IQCE: variants seen among roughly 807,000 people sequenced by gnomAD.
IQCE encodes the protein IQ domain-containing protein E.
In IQCE, 115 loss-of-function variants were observed where a neutral mutation model predicts 96.0. The ratio of observed to expected loss-of-function variants is 1.20; its 90% CI spans 1.03 to 1.40. The LOEUF is 1.40. Ranked by LOEUF, IQCE falls within the 40% of genes most tolerant of loss-of-function variation. The probability of loss-of-function intolerance (pLI) is 0.00; values close to 1 mark genes in which losing one functional copy is unlikely to be tolerated. For missense variants in IQCE, 1,041 were observed against 909.1 expected, an observed-to-expected ratio of 1.15 and a Z score of -1.87; for synonymous variants, 412 against 371.2, an observed-to-expected ratio of 1.11 and a Z score of -1.26.
At chr7:2,570,449 G>C (rs1371025744) in intron 3 of IQCE, among the ~76,000 whole-genome samples, 2 of 151,676 alleles carry the variant, frequency 1.3e-5, no homozygotes, top group African/African-American at 2.4e-5. Flanking sequence ...GGAAGAATTT[G>C]AGACTATCTG....
intron 8 of IQCE, 84 bp downstream of exon 8, chr7:2,578,610 C>A: frequency 1.4e-6 from 2 of 1,446,284 alleles, no homozygotes; most frequent in Non-Finnish European, 1.9e-6. Flanking sequence ...TTCCCTGCAG[C>A]ACCCACGCGT....
At chr7:2,577,759 G>T (rs1324462900) in intron 6 of IQCE, among the ~76,000 whole-genome samples, 1 of 129,832 alleles carries the variant, frequency 7.7e-6, no homozygotes, top group Non-Finnish European at 1.6e-5. Context: ...GTGCGTGGCT[G>T]TGCGCGCGGG....
In IQCE at chr7:2,588,822, C is replaced by T. The variant is rs376870674; in HGVS notation, c.1044+945C>T. Among the ~76,000 whole-genome samples, 42 of 151,886 alleles carry T rather than the reference C, an allele frequency of 2.8e-4. No individual in the cohort carries two copies. The South Asian group carries it at 3.1e-3, about 11-fold the overall frequency. On this transcript the variant is annotated intron_variant, in intron 13 of 21. Coordinates refer to ENST00000402050, the MANE Select transcript of IQCE (RefSeq NM_152558.5). ...CTGGGATTACAGGTGCCCACCACCA[C>T]GCCCAGCTAATTTTTGTATTTTTAG...
intron 8 of IQCE, among the ~76,000 whole-genome samples, chr7:2,581,646 G>A (rs1480822745): frequency 6.6e-6 from 1 of 151,998 alleles, no homozygotes; most frequent in African/African-American, 2.4e-5. Flanking sequence ...TTCAACACCA[G>A]TCTGGGCAAC....
chr7:2,584,485 C>T (rs781654300), intron 11 of IQCE, 200 bp downstream of exon 11: 9 of 613,690 alleles, frequency 1.5e-5, no homozygotes, highest in Admixed American at 2.6e-5. Context: ...ATAGTGACCA[C>T]GTGTTGATGG....
chr7:2,609,894 C>T lies in IQCE; in HGVS notation c.1970-150C>T, dbSNP rs1377259702. 2.3e-5 allele frequency: 14 copies of T among 604,960 alleles called. No homozygotes were observed. The East Asian group carries it at 3.3e-4, about 14-fold the overall frequency. 37.5% of individuals were successfully genotyped at this position (604,960 alleles called of 1,614,324 possible). Reference sequence around the variant, plus strand: ...CTTTCTGGCAGGTGTGTGAGTTGCTCCTGAGGGCCTGTGTGCCCCATGGCT... The same window carrying T: ...CTTTCTGGCAGGTGTGTGAGTTGCTTCTGAGGGCCTGTGTGCCCCATGGCT... On this transcript the variant is annotated intron_variant, in intron 21 of 21. Transcript: ENST00000402050.
At chr7:2,606,502 G>A (rs997476624) in intron 20 of IQCE, among the ~76,000 whole-genome samples, 4 of 152,158 alleles carry the variant, frequency 2.6e-5, no homozygotes, top group Non-Finnish European at 1.5e-5. Context: ...CCTGGCCGGG[G>A]GGAGTTTACA....
At chr7:2,583,377 G>A (rs1026735275) in intron 9 of IQCE, among the ~76,000 whole-genome samples, 4 of 152,076 alleles carry the variant, frequency 2.6e-5, no homozygotes, top group African/African-American at 9.7e-5. Context: ...GAATATCTCT[G>A]GAAAAGCTGT....
chr7:2,560,918 C>T (rs1222611788), intron 1 of IQCE, among the ~76,000 whole-genome samples: 4 of 141,332 alleles, frequency 2.8e-5, no homozygotes, highest in African/African-American at 1.1e-4. Flanking sequence ...GATCGTGCCA[C>T]TGCACTCCAG....
chr7:2,592,888 T>G (rs1415274063), intron 14 of IQCE, 134 bp from the exon 15 acceptor site: 9 of 938,292 alleles, frequency 9.6e-6, no homozygotes, highest in Admixed American at 2.4e-5. Flanking sequence ...AAATGGGCCT[T>G]TTGTGCTCCT....
At chr7:2,602,572 G>A (rs924993132) in intron 18 of IQCE, among the ~76,000 whole-genome samples, 5 of 152,214 alleles carry the variant, frequency 3.3e-5, no homozygotes, top group Non-Finnish European at 5.9e-5. Flanking sequence ...GGCAGACTCA[G>A]CACCCGCTTG....
intron 21 of IQCE, among the ~76,000 whole-genome samples, chr7:2,609,160 C>A (rs1399144496): frequency 1.3e-5 from 2 of 152,050 alleles, no homozygotes; most frequent in Non-Finnish European, 2.9e-5. Context: ...GCGTCCCATT[C>A]TAGAATGGAT....
chr7:2,596,387 G>A (rs1202767477), intron 16 of IQCE, among the ~76,000 whole-genome samples: 1 of 149,852 alleles, frequency 6.7e-6, no homozygotes, highest in Non-Finnish European at 1.5e-5. Context: ...TCTGTGTGGT[G>A]GGGTTATAAG....
intron 17 of IQCE, 66 bp downstream of exon 17, chr7:2,598,698 A>G: frequency 7.3e-7 from 1 of 1,371,780 alleles, no homozygotes; most frequent in South Asian, 1.7e-5. Context: ...CAAGCCACTC[A>G]CTCTCCAGGA....
At chr7:2,597,725 C>T (rs536568757) in intron 16 of IQCE, among the ~76,000 whole-genome samples, 8 of 152,316 alleles carry the variant, frequency 5.3e-5, no homozygotes, top group South Asian at 2.1e-4. Context: ...TCGACTACAG[C>T]GGCACAATCA....
intron 13 of IQCE, among the ~76,000 whole-genome samples, chr7:2,589,348 A>G (rs894822923): frequency 6.6e-6 from 1 of 152,172 alleles, no homozygotes; most frequent in African/African-American, 2.4e-5. Flanking sequence ...TGACAGAGCC[A>G]GACCCCGTCT....
intron 1 of IQCE, chr7:2,566,740 A>T (rs1187658371): frequency 4.2e-6 from 1 of 238,842 alleles, no homozygotes; most frequent in Non-Finnish European, 8.4e-6. Flanking sequence ...AGACAGTCAC[A>T]GATTCGTTGT....
intron 8 of IQCE, among the ~76,000 whole-genome samples, chr7:2,581,325 C>A (rs996752945): frequency 6.6e-6 from 1 of 151,746 alleles, no homozygotes; most frequent in African/African-American, 2.4e-5. Context: ...CCTGCCTCAG[C>A]CTCCTGAGTA....
At chr7:2,577,477 C>T (rs1782238847) in intron 6 of IQCE, among the ~76,000 whole-genome samples, 1 of 109,424 alleles carries the variant, frequency 9.1e-6, no homozygotes, top group Admixed American at 9.7e-5. Flanking sequence ...CTGTGTGCGG[C>T]GTATACGCAT....
Sources: gnomAD v4.1 joint callset for allele counts (sites outside exome capture counted in the v4.1 genomes callset) on GRCh38, gnomAD v4.1.1 for gene constraint, MANE v1.5 for transcripts, NCBI Gene and HGNC (gene_info 2026-07-23, HGNC 2026-07-21) for gene names.